Variants in RAB3IP observed in about 807,000 individuals in gnomAD.
The protein encoded by RAB3IP is RAB3A interacting protein, also known as rab-3A-interacting protein.
A neutral mutation model predicts 59.1 loss-of-function variants in RAB3IP; 36 were observed. The observed-to-expected ratio is 0.61, with a 90% CI of 0.47 to 0.80. The LOEUF is 0.80. RAB3IP is among the 30% of genes least tolerant of loss of function. The probability of loss-of-function intolerance (pLI) is 0.00; values close to 1 mark genes in which losing one functional copy is unlikely to be tolerated. For missense variants in RAB3IP, 511 were observed against 536.0 expected, an observed-to-expected ratio of 0.95 and a Z score of 0.46; for synonymous variants, 207 against 191.2, an observed-to-expected ratio of 1.08 and a Z score of -0.68.
At chr12:69,745,845 G>A (rs1868317907) in intron 1 of RAB3IP, among the ~76,000 whole-genome samples, 1 of 152,162 alleles carries the variant, frequency 6.6e-6, no homozygotes, top group Admixed American at 6.5e-5. Flanking sequence ...GCTTCTAAGT[G>A]TATCTCAGAT....
rs17107124 is a variant in RAB3IP, at chr12:69,815,745, C to G, written c.*299C>G. The G allele has an allele frequency of 6.3e-3, 1,244 of 198,178 alleles. 17 individuals are homozygous for G. The highest frequency in any genetic ancestry group is 0.028 in the African/African-American group (1,191 of 42,798). The allele number at this position is 198,178 out of a possible 1,614,324, so 12.3% of individuals were successfully genotyped here. ...ATTGAATGTGTGTACATTTTCTCTT[C>G]TAGCTCTGACATGGCATTTAGGGTT... On this transcript the variant is annotated 3_prime_UTR_variant, in exon 11 of 11. Transcript: ENST00000247833.
intron 1 of RAB3IP, among the ~76,000 whole-genome samples, chr12:69,754,541 T>G (rs1456533896): frequency 1.3e-5 from 2 of 152,188 alleles, no homozygotes; most frequent in Non-Finnish European, 2.9e-5. Context: ...ATCAGAAAGT[T>G]AAATATAAAT....
rs1012672914 is a variant in RAB3IP, at chr12:69,816,536, T to G, written c.*1090T>G. 4 of 152,168 alleles carry G rather than the reference T, an allele frequency of 2.6e-5. No homozygotes were observed. Among genetic ancestry groups the G allele is most frequent in the Non-Finnish European group, 5.9e-5 (4 of 68,030 alleles). 9.4% of individuals were successfully genotyped at this position (152,168 alleles called of 1,614,324 possible). A position where few individuals can be genotyped will look rare whatever the true frequency, so the allele number is the denominator to read the frequency against. On this transcript the variant is annotated 3_prime_UTR_variant, in exon 11 of 11. Transcript: ENST00000247833. ...AAACCTACACATCCTAATCCCTGTT[T>G]ATAGAATTTTAACATAATTTAATTG...
chr12:69,739,779 G>A lies in RAB3IP; in HGVS notation c.-26+748G>A, dbSNP rs1887101451. Reference sequence around the variant, plus strand: ...CTCGCCCCGACCGCCCAGGAAGCGCGAGCTTACTGGCTCCAGAAGTGATGA... The same window carrying A: ...CTCGCCCCGACCGCCCAGGAAGCGCAAGCTTACTGGCTCCAGAAGTGATGA... On this transcript the variant is annotated intron_variant, in intron 1 of 10. Coordinates refer to ENST00000247833, the MANE Select transcript of RAB3IP (RefSeq NM_022456.5). The A allele has an allele frequency of 1.9e-6, 3 of 1,597,630 alleles. No individual in the cohort carries two copies. In the South Asian group the frequency reaches 3.3e-5, roughly 18 times the overall value.
chr12:69,798,819 T>G (rs1242980680), intron 6 of RAB3IP, among the ~76,000 whole-genome samples: 1 of 152,154 alleles, frequency 6.6e-6, no homozygotes, highest in Non-Finnish European at 1.5e-5. Flanking sequence ...GTAACAGACT[T>G]AGGTCATTAG....
intron 3 of RAB3IP, among the ~76,000 whole-genome samples, chr12:69,781,113 T>A (rs1874627711): frequency 2.0e-5 from 3 of 152,172 alleles, no homozygotes; most frequent in Admixed American, 1.3e-4. Context: ...TTTCTTATAA[T>A]TTTTTTGGTT....
At chr12:69,770,361 C>T (rs1020665138) in intron 3 of RAB3IP, among the ~76,000 whole-genome samples, 1 of 152,168 alleles carries the variant, frequency 6.6e-6, no homozygotes, top group Non-Finnish European at 1.5e-5. Context: ...AACCTATGCA[C>T]ATTCTCCTGT....
intron 1 of RAB3IP, chr12:69,739,819 C>T (rs1887110524): frequency 6.2e-7 from 1 of 1,613,894 alleles, no homozygotes; most frequent in East Asian, 2.2e-5. Context: ...GGGTGGAAGT[C>T]GCAGCATGTG....
At chr12:69,740,264 C>G (rs982803495) in intron 1 of RAB3IP, among the ~76,000 whole-genome samples, 1 of 151,976 alleles carries the variant, frequency 6.6e-6, no homozygotes, top group African/African-American at 2.4e-5. Context: ...TTAAATATTT[C>G]ACCAGTTTTA....
chr12:69,782,661 C>T (rs1291130274), intron 3 of RAB3IP, among the ~76,000 whole-genome samples: 1 of 152,150 alleles, frequency 6.6e-6, no homozygotes, highest in East Asian at 1.9e-4. Flanking sequence ...AGTAGTTTAT[C>T]ACATAGGTCA....
At chr12:69,745,543 C>T (rs1384272158) in intron 1 of RAB3IP, among the ~76,000 whole-genome samples, 3 of 151,928 alleles carry the variant, frequency 2.0e-5, no homozygotes, top group Non-Finnish European at 1.5e-5. Flanking sequence ...TAATAGAACA[C>T]AAAGCAATAG....
chr12:69,801,453 C>A (rs1878359031), intron 7 of RAB3IP, among the ~76,000 whole-genome samples, 156 bp from the exon 8 acceptor site: 1 of 152,110 alleles, frequency 6.6e-6, no homozygotes, highest in Non-Finnish European at 1.5e-5. Context: ...TAAAATAAAT[C>A]AAACCAAAAT....
rs1478312304 is a variant in RAB3IP, at chr12:69,819,137, A to G, written c.*3691A>G. On this transcript the variant is annotated 3_prime_UTR_variant, in exon 11 of 11. Transcript: ENST00000247833. ...GGACAAATGAATAAGAGAGTTATGCATGGAACATCGGTGGTGTATTATGAA... is the reference window on the plus strand; with the variant it reads ...GGACAAATGAATAAGAGAGTTATGCGTGGAACATCGGTGGTGTATTATGAA... The G allele has an allele frequency of 6.6e-6, 1 of 152,236 alleles. No individual in the cohort carries two copies. The highest frequency in any genetic ancestry group is 1.9e-4 in the East Asian group (1 of 5,202). The allele number at this position is 152,236 out of a possible 1,614,324, so 9.4% of individuals were successfully genotyped here.
chr12:69,808,651 T>A (rs557851643), intron 8 of RAB3IP, among the ~76,000 whole-genome samples: 1 of 152,354 alleles, frequency 6.6e-6, no homozygotes, highest in South Asian at 2.1e-4. Context: ...CCTTTACCAT[T>A]ATGTAATGGT....
At chr12:69,770,180 TA>T (rs1872872015) in intron 3 of RAB3IP, among the ~76,000 whole-genome samples, 1 of 152,194 alleles carries the variant, frequency 6.6e-6, no homozygotes, top group African/African-American at 2.4e-5. Flanking sequence ...AAATTTTTTC[TA>T]AAAAATGATG....
chr12:69,738,718 G>A (rs924611725), upstream of RAB3IP: 5 of 152,156 alleles, frequency 3.3e-5, no homozygotes, highest in South Asian at 8.3e-4. Context: ...GCCCCGCCTG[G>A]CGCCAGGGGG....
chr12:69,744,023 A>G (rs1887601498), intron 1 of RAB3IP, among the ~76,000 whole-genome samples: 1 of 152,148 alleles, frequency 6.6e-6, no homozygotes, highest in Admixed American at 6.5e-5. Flanking sequence ...TCTGGGATAC[A>G]TGTGCAGAAT....
intron 1 of RAB3IP, among the ~76,000 whole-genome samples, chr12:69,740,076 G>A (rs111260250): frequency 0.016 from 2,413 of 152,216 alleles, 21 homozygotes; most frequent in Middle Eastern, 0.037. Flanking sequence ...GCCCATAAGA[G>A]GATTACAACA....
chr12:69,800,385 C>T (rs918012932), intron 7 of RAB3IP, 48 bp downstream of exon 7: 18 of 1,190,766 alleles, frequency 1.5e-5, no homozygotes, highest in Non-Finnish European at 2.1e-5. Context: ...TGTTTCTGTA[C>T]TTCTTTTAAA....
Sources: gnomAD v4.1 joint callset for allele counts (sites outside exome capture counted in the v4.1 genomes callset) on GRCh38, gnomAD v4.1.1 for gene constraint, MANE v1.5 for transcripts, NCBI Gene and HGNC (gene_info 2026-07-23, HGNC 2026-07-21) for gene names.